Variants in MAP4 observed in about 807,000 individuals in gnomAD.
MAP4 encodes microtubule-associated protein 4.
In MAP4, 76 loss-of-function variants were observed where a neutral mutation model predicts 170.2. The observed-to-expected ratio is 0.45, with a 90% confidence interval of 0.37 to 0.54. MAP4 has a LOEUF of 0.54. Among genes scored for constraint, MAP4 ranks in the 20% least tolerant of loss-of-function variants. The pLI is 0.00. For missense variants in MAP4, 2,506 were observed against 2,748.0 expected, an observed-to-expected ratio of 0.91 and a Z score of 1.97; for synonymous variants, 909 against 994.5, an observed-to-expected ratio of 0.91 and a Z score of 1.62.
chr3:47,963,126 CT>C lies in MAP4; in HGVS notation c.292+14738del, dbSNP rs548196975. On this transcript the variant is annotated intron_variant, in intron 3 of 20. Transcript: ENST00000683076. ...GAAGTTTCACCTCCAGTTTTGTCCT[CT>C]AGAAACAGAGCATTTCTGCTTCACA... Among the ~76,000 whole-genome samples the C allele has an allele frequency of 3.4e-4, 52 of 152,320 alleles. 1 individual carries two copies. Among genetic ancestry groups the C allele is most frequent in the Non-Finnish European group, 5.0e-4 (34 of 68,036 alleles).
chr3:48,010,321 A>G (rs140190281), intron 1 of MAP4, among the ~76,000 whole-genome samples: 333 of 152,346 alleles, frequency 2.2e-3, no homozygotes, highest in African/African-American at 7.8e-3. Context: ...AACTGCCATG[A>G]GTATTTCCTC....
chr3:47,960,896 T>G (rs7645082), intron 3 of MAP4: 14,682 of 162,948 alleles, frequency 0.09, 2,383 homozygotes, highest in African/African-American at 0.33. Flanking sequence ...AATTCAATTC[T>G]AATGTTGTGG....
chr3:48,080,306 A>G (rs1028114300), intron 1 of MAP4, among the ~76,000 whole-genome samples: 1 of 152,224 alleles, frequency 6.6e-6, no homozygotes, highest in African/African-American at 2.4e-5. Flanking sequence ...TGGAGGAATC[A>G]CCTATTATGT....
chr3:47,904,504 G>T (rs2100031788), intron 9 of MAP4, among the ~76,000 whole-genome samples: 2 of 152,112 alleles, frequency 1.3e-5, no homozygotes, highest in South Asian at 4.2e-4. Flanking sequence ...TAGAGATGGG[G>T]TTTCACCATG....
Position 47,909,175 on chromosome 3 carries a change from C to T in MAP4, c.5246G>A (p.Gly1749Glu), listed in dbSNP as rs2100034664. 6.2e-7 allele frequency: 1 copy of T among 1,613,802 alleles called. No individual in the cohort carries two copies. The highest frequency in any genetic ancestry group is 1.7e-5 in the Admixed American group (1 of 59,986). Residue 1749 changes from glycine (G) to glutamate (E), a missense_variant, in exon 9 of 21, where the codon GGG (glycine) becomes GAG (glutamate). By Grantham distance (98) the Gly-to-Glu change is moderately conservative. This residue lies in a region of MAP4 where 2,008 missense variants were observed against 2,206.0 expected (regional missense o/e 0.91). Transcript: ENST00000683076. Reference protein sequence around the residue: ...EKSESKTPGEGKKEDKSRMAE... With the variant: ...EKSESKTPGEEKKEDKSRMAE... ...CATTCTGCTTTTATCTTCCTTTTTC[C>T]CTTCTCCTGGTGTCTTTGATTCAGA...
At chr3:47,897,202 C>T (rs541234908) in intron 10 of MAP4, among the ~76,000 whole-genome samples, 1 of 152,268 alleles carries the variant, frequency 6.6e-6, no homozygotes, top group South Asian at 2.1e-4. Flanking sequence ...TCTCGGCTAA[C>T]TACAACCTCT....
intron 1 of MAP4, among the ~76,000 whole-genome samples, chr3:48,067,175 T>C (rs2100138747): frequency 6.6e-6 from 1 of 151,926 alleles, no homozygotes; most frequent in African/African-American, 2.4e-5. Flanking sequence ...ATCATTTTAA[T>C]TACTCCATCA....
At chr3:48,056,861 T>C (rs1212661921) in intron 1 of MAP4, among the ~76,000 whole-genome samples, 1 of 66,518 alleles carries the variant, frequency 1.5e-5, no homozygotes, top group African/African-American at 6.6e-5. Flanking sequence ...TCAGCCCCCC[T>C]GCCCGGCCAG....
intron 10 of MAP4, among the ~76,000 whole-genome samples, chr3:47,882,900 A>G (rs2096991036): frequency 6.6e-6 from 1 of 151,856 alleles, no homozygotes; most frequent in Admixed American, 6.6e-5. Flanking sequence ...TCTGCCTCCC[A>G]GGTTCAAGTG....
intron 1 of MAP4, among the ~76,000 whole-genome samples, chr3:48,042,169 C>G (rs2100121965): frequency 6.6e-6 from 1 of 152,176 alleles, no homozygotes; most frequent in Non-Finnish European, 1.5e-5. Context: ...TAAGCGGGAG[C>G]TTACAACTGG....
rs1215036152 is a variant in MAP4, at chr3:47,892,814, T to C, written c.5434+10136A>G. ...TAGATCTGCAATTTAAAACACAGTA[T>C]GGTGCCAATCCAAGCACTAAGGATA... is the stretch of plus-strand genomic sequence containing the variant. On this transcript the variant is annotated intron_variant, in intron 10 of 20. Coordinates refer to ENST00000683076, the MANE Select transcript of MAP4 (RefSeq NM_001385682.1). The C allele has an allele frequency of 8.8e-6, 10 of 1,131,694 alleles. No individual in the cohort carries two copies. The Admixed American group carries it at 3.7e-4, about 42-fold the overall frequency. 70.1% of individuals were successfully genotyped at this position (1,131,694 alleles called of 1,614,324 possible). A position where few individuals can be genotyped will look rare whatever the true frequency, so the allele number is the denominator to read the frequency against.
At chr3:47,957,837 G>A (rs1383023696) in intron 3 of MAP4, among the ~76,000 whole-genome samples, 1 of 152,130 alleles carries the variant, frequency 6.6e-6, no homozygotes, top group Non-Finnish European at 1.5e-5. Flanking sequence ...ACATGGTGCT[G>A]TCTCCTCCCT....
intron 1 of MAP4, among the ~76,000 whole-genome samples, chr3:48,080,909 A>C (rs1020842480): frequency 6.6e-5 from 10 of 152,206 alleles, no homozygotes; most frequent in African/African-American, 1.9e-4. Context: ...CAGATCACGA[A>C]GTCAGGAGAT....
At chr3:48,005,626 A>G (rs1018031774) in intron 1 of MAP4, among the ~76,000 whole-genome samples, 2 of 152,194 alleles carry the variant, frequency 1.3e-5, no homozygotes, top group Non-Finnish European at 2.9e-5. Context: ...GAAATGCCTG[A>G]TATCTCTTGG....
At chr3:47,991,620 T>C (rs1410085203) in intron 2 of MAP4, among the ~76,000 whole-genome samples, 1 of 152,074 alleles carries the variant, frequency 6.6e-6, no homozygotes, top group Non-Finnish European at 1.5e-5. Context: ...TAAGCTATGA[T>C]TGTGCCACTG....
chr3:47,884,170 T>C (rs1434134979), intron 10 of MAP4, among the ~76,000 whole-genome samples: 2 of 152,218 alleles, frequency 1.3e-5, no homozygotes, highest in African/African-American at 4.8e-5. Flanking sequence ...ATATGTTTTT[T>C]CCTTGTAGAC....
intron 1 of MAP4, among the ~76,000 whole-genome samples, chr3:48,059,885 C>A (rs905177960): frequency 5.3e-5 from 8 of 151,318 alleles, no homozygotes; most frequent in Non-Finnish European, 7.4e-5. Context: ...GAGGCTGAGG[C>A]AGGAGAATTG....
rs567210049 is a variant in MAP4, at chr3:48,002,421, G to A, written c.-19-3542C>T. ...CAAAAACTAAAAAAAAATTAGCTGG[G>A]TACGGTGGCATACACTTATAGTCCT... On this transcript the variant is annotated intron_variant, in intron 1 of 20. Coordinates refer to ENST00000683076, the MANE Select transcript of MAP4 (RefSeq NM_001385682.1). Among the ~76,000 whole-genome samples, 4 of 152,004 alleles carry A rather than the reference G, an allele frequency of 2.6e-5. No individual in the cohort carries two copies. In the East Asian group the frequency reaches 7.7e-4, roughly 29 times the overall value.
chr3:47,949,211 A>C (rs1470050992), intron 3 of MAP4, among the ~76,000 whole-genome samples: 2 of 152,086 alleles, frequency 1.3e-5, no homozygotes, highest in Non-Finnish European at 2.9e-5. Flanking sequence ...CACGCCTGTA[A>C]TCCCAGCACT....
Sources: allele counts gnomAD v4.1 joint callset (sites outside exome capture counted in the v4.1 genomes callset), GRCh38; gene constraint gnomAD v4.1.1; regional missense constraint gnomAD v4.1.1; transcripts MANE v1.5; gene names NCBI Gene and HGNC (gene_info 2026-07-23, HGNC 2026-07-21).